The following TTC28 variants were observed in gnomAD, a reference collection of about 807,000 sequenced individuals.
TTC28 encodes the protein tetratricopeptide repeat domain 28, also known as tetratricopeptide repeat protein 28.
Under a neutral mutation model 198.0 loss-of-function variants are expected in TTC28, and 61 were observed. That is an observed-to-expected ratio of 0.31 (90% CI 0.25 to 0.38). The LOEUF (loss-of-function observed/expected upper bound fraction) is 0.38. TTC28 is among the 10% of genes least tolerant of loss of function. The pLI is 1.00. For synonymous variants in TTC28, 1,171 were observed against 1,297.8 expected (o/e 0.90, Z 2.10); for missense variants, 2,678 against 3,164.0 (o/e 0.85, Z 3.69).
At chr22:28,236,988 TTAAAG>T in intron 5 of TTC28, among the ~76,000 whole-genome samples, 1 of 152,344 alleles carries the variant, frequency 6.6e-6, no homozygotes, top group African/African-American at 2.4e-5. Flanking sequence ...AATTACCTGA[TTAAAG>T]TAATGGCTGA....
Position 28,105,636 on chromosome 22 carries a change from G to A in TTC28, c.2950C>T (p.Leu984=). Residue 984 remains leucine (L), a synonymous_variant, in exon 8 of 23, where the codon CTG becomes TTG. Coordinates refer to ENST00000397906, the MANE Select transcript of TTC28 (RefSeq NM_001145418.2). ...EQAISCLERQ[L]NIARDMKDRA... The stretch of plus-strand genomic sequence containing the variant: ...TCTTTCATATCTCTAGCAATGTTCA[G>A]CTGGCGTTCAAGGCAGGAAATGGCT... The A allele has an allele frequency of 6.4e-7, 1 of 1,552,076 alleles. No homozygotes were observed. Among genetic ancestry groups the A allele is most frequent in the Non-Finnish European group, 8.7e-7 (1 of 1,147,092 alleles).
intron 12 of TTC28, among the ~76,000 whole-genome samples, chr22:28,075,876 G>A (rs1026392184): frequency 6.6e-6 from 1 of 152,142 alleles, no homozygotes; most frequent in Non-Finnish European, 1.5e-5. Flanking sequence ...CACTTCTCAC[G>A]TGGTAGATTA....
At chr22:28,401,389 G>T (rs2046906978) in intron 2 of TTC28, among the ~76,000 whole-genome samples, 1 of 152,156 alleles carries the variant, frequency 6.6e-6, no homozygotes, top group Non-Finnish European at 1.5e-5. Context: ...ACCGACGTGG[G>T]CGGATCATCT....
rs552764145 is a variant in TTC28, at chr22:28,263,159, G to A, written c.933+33039C>T. 3.9e-5 allele frequency among the ~76,000 whole-genome samples: 6 copies of A among 152,182 alleles called. No homozygotes were observed. In the South Asian group the frequency reaches 1.2e-3, roughly 32 times the overall value. On this transcript the variant is annotated intron_variant, in intron 5 of 22. Transcript: ENST00000397906. ...GAATAAGAGACAAATGACAGTTTTTGCCATCAAAAGATCAATAATAATAAT... is the reference window on the plus strand; with the variant it reads ...GAATAAGAGACAAATGACAGTTTTTACCATCAAAAGATCAATAATAATAAT...
In TTC28 at chr22:28,640,072, C is replaced by G. The variant is rs565658519; in HGVS notation, c.103-10242G>C. 2.0e-3 allele frequency among the ~76,000 whole-genome samples: 300 copies of G among 151,960 alleles called. 2 individuals carry two copies. Among genetic ancestry groups the G allele is most frequent in the Middle Eastern group, 6.8e-3 (2 of 294 alleles). ...CTGTAATCCCAGCAATTTTGGAGGC[C>G]GATGTGGGTAGATTGCTTGAGCCCA... On this transcript the variant is annotated intron_variant, in intron 1 of 22. Transcript: ENST00000397906.
intron 2 of TTC28, among the ~76,000 whole-genome samples, chr22:28,420,543 G>T (rs1386431911): frequency 7.8e-6 from 1 of 128,616 alleles, no homozygotes; most frequent in African/African-American, 3.0e-5. Flanking sequence ...TTCTGCCTTT[G>T]TAGCCATAAA....
chr22:28,062,909 T>C (rs1191548896), intron 12 of TTC28, among the ~76,000 whole-genome samples: 2 of 152,200 alleles, frequency 1.3e-5, no homozygotes, highest in East Asian at 3.8e-4. Context: ...ATGGTATCAG[T>C]CTTTTCTCTT....
At chr22:28,537,045 G>A (rs2049294791) in intron 2 of TTC28, among the ~76,000 whole-genome samples, 1 of 151,832 alleles carries the variant, frequency 6.6e-6, no homozygotes, top group South Asian at 2.1e-4. Flanking sequence ...TGTAATCCCA[G>A]CACTTCGGGA....
chr22:28,080,247 T>C (rs1941298780), intron 12 of TTC28, among the ~76,000 whole-genome samples: 1 of 152,230 alleles, frequency 6.6e-6, no homozygotes, highest in Admixed American at 6.5e-5. Flanking sequence ...ATTCTATTTT[T>C]TAGAGGAATG....
chr22:28,349,851 G>A (rs912892586), intron 2 of TTC28, among the ~76,000 whole-genome samples: 1 of 152,150 alleles, frequency 6.6e-6, no homozygotes. Flanking sequence ...ATACTAACAA[G>A]TTGGCAAAAA....
chr22:28,606,373 G>A (rs944964611), intron 2 of TTC28, among the ~76,000 whole-genome samples: 2 of 152,112 alleles, frequency 1.3e-5, no homozygotes, highest in African/African-American at 4.8e-5. Context: ...ACAGGCATGA[G>A]CCACCACACC....
intron 5 of TTC28, among the ~76,000 whole-genome samples, chr22:28,236,743 A>T (rs1929277190): frequency 6.6e-6 from 1 of 152,330 alleles, no homozygotes; most frequent in South Asian, 2.1e-4. Flanking sequence ...TTTAAATTCC[A>T]GCGTACGTTC....
chr22:28,668,933 A>G (rs2051832546), intron 1 of TTC28, among the ~76,000 whole-genome samples: 1 of 17,238 alleles, frequency 5.8e-5, no homozygotes, highest in East Asian at 1.4e-3. Context: ...CTGGATTAAG[A>G]AAATGTGGCA....
At chr22:28,351,915 T>C (rs936439264) in intron 2 of TTC28, among the ~76,000 whole-genome samples, 1 of 152,216 alleles carries the variant, frequency 6.6e-6, no homozygotes, top group Non-Finnish European at 1.5e-5. Flanking sequence ...TGTCTAAGAA[T>C]ATCTTTTAGT....
chr22:28,068,841 C>G (rs1470915275), intron 12 of TTC28, among the ~76,000 whole-genome samples: 1 of 152,156 alleles, frequency 6.6e-6, no homozygotes, highest in African/African-American at 2.4e-5. Flanking sequence ...TTCTCCAAGC[C>G]AAAGGACTTC....
At chr22:28,577,314 C>T (rs1014132895) in intron 2 of TTC28, among the ~76,000 whole-genome samples, 14 of 152,122 alleles carry the variant, frequency 9.2e-5, no homozygotes, top group Middle Eastern at 3.4e-3. Context: ...CAGTTTTATT[C>T]CATTGTGCTC....
chr22:28,541,970 T>C (rs1236682679), intron 2 of TTC28, among the ~76,000 whole-genome samples: 1 of 152,024 alleles, frequency 6.6e-6, no homozygotes, highest in Non-Finnish European at 1.5e-5. Flanking sequence ...ACACCTGTGG[T>C]CCTAACTACT....
intron 5 of TTC28, among the ~76,000 whole-genome samples, chr22:28,285,036 G>A (rs1399186385): frequency 1.3e-5 from 2 of 152,184 alleles, no homozygotes; most frequent in Admixed American, 6.5e-5. Flanking sequence ...AGACATGTCT[G>A]AACTCTGTTC....
At chr22:28,491,239 A>C (rs1017429691) in intron 2 of TTC28, among the ~76,000 whole-genome samples, 2 of 152,222 alleles carry the variant, frequency 1.3e-5, no homozygotes, top group African/African-American at 4.8e-5. Flanking sequence ...CAATGGCAAC[A>C]AAAGCCAAAA....
Sources: allele counts gnomAD v4.1 joint callset (sites outside exome capture counted in the v4.1 genomes callset), GRCh38; gene constraint gnomAD v4.1.1; transcripts MANE v1.5; gene names NCBI Gene and HGNC (gene_info 2026-07-23, HGNC 2026-07-21).